Variants in MYT1L observed in about 807,000 individuals in gnomAD.
MYT1L encodes the protein myelin transcription factor 1 like, also known as myelin transcription factor 1-like protein.
MYT1L carries 12 observed loss-of-function variants against 126.7 expected under a neutral mutation model. The ratio of observed to expected loss-of-function variants is 0.09; its 90% confidence interval spans 0.06 to 0.15. The LOEUF is 0.15. MYT1L is among the 10% of genes least tolerant of loss of function. The pLI, the probability that MYT1L is intolerant of heterozygous loss-of-function variation, is 1.00. For synonymous variants in MYT1L, 541 were observed against 604.2 expected (o/e 0.90, Z 1.53); for missense variants, 979 against 1,585.2 (o/e 0.62, Z 6.49).
chr2:2,014,948 CT>C (rs890176218), intron 4 of MYT1L, among the ~76,000 whole-genome samples: 6 of 152,208 alleles, frequency 3.9e-5, no homozygotes, highest in African/African-American at 1.2e-4. Flanking sequence ...GATATTTGGA[CT>C]TTTTTTTCTC....
intron 1 of MYT1L, among the ~76,000 whole-genome samples, chr2:2,310,170 G>A (rs2095940138): frequency 6.6e-6 from 1 of 151,822 alleles, no homozygotes. Context: ...CTACACTTCA[G>A]TATACTCTAT....
At chr2:2,067,490 C>T (rs1315474113) in intron 3 of MYT1L, among the ~76,000 whole-genome samples, 3 of 152,128 alleles carry the variant, frequency 2.0e-5, no homozygotes, top group South Asian at 2.1e-4. Flanking sequence ...GCCTGTAACT[C>T]CAGGGCAGAA....
chr2:1,814,006 G>A (rs11674754), intron 21 of MYT1L, among the ~76,000 whole-genome samples: 24 of 134,796 alleles, frequency 1.8e-4, no homozygotes, highest in Admixed American at 4.5e-4. Context: ...CAGCCTGGGC[G>A]ACAGAGCGAG....
At chr2:2,036,882 T>C (rs774973914) in intron 4 of MYT1L, among the ~76,000 whole-genome samples, 7 of 152,316 alleles carry the variant, frequency 4.6e-5, no homozygotes, top group East Asian at 1.9e-4. Flanking sequence ...TTAAGACTCA[T>C]TGTGCCTGTC....
Position 1,889,074 on chromosome 2 carries a change from A to T in MYT1L, c.2520+167T>A, listed in dbSNP as rs1351024557. 1.3e-5 allele frequency among the ~76,000 whole-genome samples: 2 copies of T among 152,198 alleles called. No homozygotes were observed. The highest frequency in any genetic ancestry group is 4.8e-5 in the African/African-American group (2 of 41,446). ...TCACTCTAATCAATGTTAGTCGCAA[A>T]TCTCTTCTGGGTCAACAAAAACTGT... On this transcript the variant is annotated intron_variant, in intron 16 of 24. Transcript: ENST00000647738. This position sits in a 1 kb window ranked among gnomAD's most constrained non-coding sequence, Gnocchi z 4.1.
chr2:2,078,235 T>A (rs189831683), intron 3 of MYT1L, among the ~76,000 whole-genome samples: 2 of 152,240 alleles, frequency 1.3e-5, no homozygotes, highest in East Asian at 3.9e-4. Flanking sequence ...CCAGGAATAA[T>A]ATTTTTAACA....
At chr2:2,039,672 G>C (rs1160707554) in intron 4 of MYT1L, among the ~76,000 whole-genome samples, 1 of 152,214 alleles carries the variant, frequency 6.6e-6, no homozygotes, top group Non-Finnish European at 1.5e-5. Context: ...TTTAACAGAA[G>C]ACTGGTGATG....
chr2:2,182,059 G>T (rs571758892), intron 2 of MYT1L, among the ~76,000 whole-genome samples: 2 of 152,122 alleles, frequency 1.3e-5, no homozygotes, highest in Admixed American at 1.3e-4. Context: ...GAGCAAAAAT[G>T]AATGGCATGC....
chr2:2,236,941 G>A (rs1454389764), intron 2 of MYT1L, among the ~76,000 whole-genome samples: 1 of 151,678 alleles, frequency 6.6e-6, no homozygotes. Context: ...AGTCTCCCAA[G>A]TAGCTGGGAT....
intron 3 of MYT1L, among the ~76,000 whole-genome samples, chr2:2,158,679 C>T (rs1040945914): frequency 2.0e-5 from 3 of 150,524 alleles, no homozygotes; most frequent in African/African-American, 7.4e-5. Flanking sequence ...ACACACTGCA[C>T]ATACAGATGC....
chr2:2,308,696 C>T (rs2095899874), intron 1 of MYT1L, among the ~76,000 whole-genome samples: 1 of 151,406 alleles, frequency 6.6e-6, no homozygotes, highest in Non-Finnish European at 1.5e-5. Context: ...CTTTAGTATA[C>T]TCTATCTATA....
intron 4 of MYT1L, among the ~76,000 whole-genome samples, chr2:2,005,022 GCC>G (rs2063062372): frequency 6.7e-6 from 1 of 149,492 alleles, no homozygotes; most frequent in Non-Finnish European, 1.5e-5. Flanking sequence ...TTTCCTGCGT[GCC>G]TTCTTTCCTG....
chr2:2,245,770 G>A (rs1416817924), intron 2 of MYT1L, among the ~76,000 whole-genome samples: 1 of 152,124 alleles, frequency 6.6e-6, no homozygotes, highest in Non-Finnish European at 1.5e-5. Flanking sequence ...GCTGAAGGCT[G>A]TTAATCATCC....
chr2:2,005,278 GCC>G (rs1558707405), intron 4 of MYT1L, among the ~76,000 whole-genome samples: 1 of 29,890 alleles, frequency 3.3e-5, no homozygotes, highest in African/African-American at 1.2e-4. Context: ...TTTCCTGTGT[GCC>G]TTCTTTCCTG....
intron 1 of MYT1L, among the ~76,000 whole-genome samples, chr2:2,312,215 C>T (rs889452086): frequency 6.6e-6 from 1 of 152,188 alleles, no homozygotes; most frequent in African/African-American, 2.4e-5. Context: ...TGTTCACCTC[C>T]CTTCCCAGTG....
At chr2:1,821,837 A>C (rs2038578682) in intron 21 of MYT1L, among the ~76,000 whole-genome samples, 1 of 152,008 alleles carries the variant, frequency 6.6e-6, no homozygotes, top group African/African-American at 2.4e-5. Flanking sequence ...TGTCCATCTC[A>C]CTTGACGTTC....
At chr2:1,876,048 C>T (rs932293860) in intron 18 of MYT1L, among the ~76,000 whole-genome samples, 38 of 152,182 alleles carry the variant, frequency 2.5e-4, no homozygotes, top group African/African-American at 9.2e-4. Context: ...TGCACATCTG[C>T]GGTGAGGTTG....
At chr2:1,948,284 G>A (rs746376692) in intron 8 of MYT1L, among the ~76,000 whole-genome samples, 25 of 152,260 alleles carry the variant, frequency 1.6e-4, no homozygotes, top group African/African-American at 5.1e-4. Context: ...CATTGCTCAC[G>A]ATTTGCTCTC....
At chr2:1,876,244 G>C (rs2046891444) in intron 18 of MYT1L, among the ~76,000 whole-genome samples, 1 of 152,178 alleles carries the variant, frequency 6.6e-6, no homozygotes, top group South Asian at 2.1e-4. Flanking sequence ...CCCTCTCGCT[G>C]GGGGTGGCAA....
Sources: gnomAD v4.1 joint callset for allele counts (sites outside exome capture counted in the v4.1 genomes callset) on GRCh38, gnomAD v4.1.1 for gene constraint, Gnocchi (gnomAD v3.1) non-coding constraint, MANE v1.5 for transcripts, NCBI Gene and HGNC (gene_info 2026-07-23, HGNC 2026-07-21) for gene names.